Variants in CHST9 observed in about 807,000 individuals in gnomAD.
The protein encoded by CHST9 is carbohydrate sulfotransferase 9.
Under a neutral mutation model 44.4 loss-of-function variants are expected in CHST9, and 41 were observed. The ratio of observed to expected loss-of-function variants is 0.92; its 90% CI spans 0.72 to 1.20. CHST9 has a LOEUF of 1.20. CHST9 is among the 50% of genes most tolerant of loss of function. CHST9 has a pLI of 0.00. For missense variants in CHST9, 504 were observed against 516.5 expected (o/e 0.98, Z 0.23); for synonymous variants, 171 against 178.4 (o/e 0.96, Z 0.33).
At chr18:26,952,464 G>C (rs2056263154) in intron 4 of CHST9, 1 of 440,074 alleles carries the variant, frequency 2.3e-6, no homozygotes, top group Admixed American at 2.7e-5. Context: ...GCAATGAACA[G>C]TCATTTGGGG....
chr18:27,066,272 G>A (rs1391971930), intron 2 of CHST9, among the ~76,000 whole-genome samples: 1 of 152,162 alleles, frequency 6.6e-6, no homozygotes, highest in Non-Finnish European at 1.5e-5. Context: ...TCTCTTCCAG[G>A]TGTAGTAAAG....
intron 5 of CHST9, among the ~76,000 whole-genome samples, chr18:26,926,660 G>A (rs1192769045): frequency 2.6e-5 from 4 of 152,190 alleles, no homozygotes; most frequent in Non-Finnish European, 5.9e-5. Flanking sequence ...GGAGAAGTCA[G>A]GAATGTAGTC....
At chr18:27,088,689 G>C (rs909190790) in intron 2 of CHST9, among the ~76,000 whole-genome samples, 1 of 152,118 alleles carries the variant, frequency 6.6e-6, no homozygotes, top group South Asian at 2.1e-4. Context: ...ACTGAGCCTG[G>C]CCTATTATCA....
At chr18:26,944,068 G>A (rs562344492) in intron 5 of CHST9, among the ~76,000 whole-genome samples, 1 of 152,198 alleles carries the variant, frequency 6.6e-6, no homozygotes, top group South Asian at 2.1e-4. Flanking sequence ...ATACTTGCAA[G>A]TTAGAACTGG....
intron 2 of CHST9, among the ~76,000 whole-genome samples, chr18:27,088,790 G>A (rs1028430544): frequency 7.9e-5 from 12 of 152,196 alleles, no homozygotes; most frequent in Middle Eastern, 6.8e-3. Context: ...TGCCATCTTC[G>A]AGATAGATGC....
intron 5 of CHST9, chr18:26,930,947 G>C (rs2055867433): frequency 6.6e-6 from 1 of 150,406 alleles, no homozygotes; most frequent in African/African-American, 2.4e-5. Context: ...GGTGGGGTGG[G>C]GTGGGGGAGG....
chr18:27,178,223 G>T (rs926670237), intron 1 of CHST9, among the ~76,000 whole-genome samples: 1 of 151,904 alleles, frequency 6.6e-6, no homozygotes, highest in Non-Finnish European at 1.5e-5. Context: ...GGTAAAACAT[G>T]TCCTTCTATG....
intron 1 of CHST9, among the ~76,000 whole-genome samples, chr18:27,159,767 T>C (rs2058730689): frequency 6.6e-6 from 1 of 152,216 alleles, no homozygotes; most frequent in African/African-American, 2.4e-5. Context: ...CATTTGTTTG[T>C]ATCCTCTTTT....
chr18:27,055,531 C>T (rs2057644629), intron 2 of CHST9, among the ~76,000 whole-genome samples: 1 of 152,022 alleles, frequency 6.6e-6, no homozygotes, highest in Non-Finnish European at 1.5e-5. Flanking sequence ...CAGGGCCAGA[C>T]CTAAAACCCA....
intron 2 of CHST9, among the ~76,000 whole-genome samples, chr18:27,091,365 T>C (rs2058067062): frequency 6.6e-6 from 1 of 152,240 alleles, no homozygotes; most frequent in African/African-American, 2.4e-5. Flanking sequence ...TGGGGTTTTC[T>C]AAATATATAA....
chr18:27,063,707 T>C (rs1568157159), intron 2 of CHST9, among the ~76,000 whole-genome samples: 1 of 152,240 alleles, frequency 6.6e-6, no homozygotes, highest in Non-Finnish European at 1.5e-5. Flanking sequence ...GCTGCTTACA[T>C]AGCCCCAATC....
chr18:27,119,647 T>C (rs561165458), intron 2 of CHST9, among the ~76,000 whole-genome samples: 102 of 130,268 alleles, frequency 7.8e-4, no homozygotes, highest in Non-Finnish European at 1.3e-3. Flanking sequence ...AGTTTTTTTG[T>C]TTTGGGTTTT....
chr18:26,931,190 A>G (rs1241434467), intron 5 of CHST9, among the ~76,000 whole-genome samples: 1 of 152,188 alleles, frequency 6.6e-6, no homozygotes, highest in Non-Finnish European at 1.5e-5. Context: ...CATTCCTTAG[A>G]TGCTGTATCA....
In CHST9 at chr18:27,129,927, G is replaced by A. The variant is rs553839753; in HGVS notation, c.121+12762C>T. On this transcript the variant is annotated intron_variant, in intron 2 of 5. Transcript: ENST00000618847. ...TTTTGGAAAAGCTATGTTCAAACCAGTTTGGGAAATAAGCCAATAATTCCA... is the reference window on the plus strand; with the variant it reads ...TTTTGGAAAAGCTATGTTCAAACCAATTTGGGAAATAAGCCAATAATTCCA... Among the ~76,000 whole-genome samples, 7 of 152,100 alleles carry A rather than the reference G, an allele frequency of 4.6e-5. No individual in the cohort carries two copies. The Middle Eastern group carries it at 0.014, about 296-fold the overall frequency.
intron 4 of CHST9, among the ~76,000 whole-genome samples, chr18:26,944,663 C>T (rs1267581975): frequency 1.3e-5 from 2 of 151,942 alleles, no homozygotes; most frequent in Admixed American, 6.6e-5. Flanking sequence ...TGAAAAGGAC[C>T]GAAGAAAAAT....
chr18:26,967,448 G>A (rs186619551), intron 4 of CHST9, among the ~76,000 whole-genome samples: 141 of 152,120 alleles, frequency 9.3e-4, no homozygotes, highest in Non-Finnish European at 1.5e-3. Context: ...ACACCTTTTT[G>A]TTGGTCCCTA....
intron 1 of CHST9, among the ~76,000 whole-genome samples, chr18:27,160,158 T>C (rs1365152374): frequency 2.0e-5 from 3 of 151,990 alleles, no homozygotes; most frequent in Non-Finnish European, 4.4e-5. Flanking sequence ...TGAATAGGAG[T>C]GGTGAGAGAG....
chr18:27,123,776 G>T (rs1299279986), intron 2 of CHST9, among the ~76,000 whole-genome samples: 4 of 152,102 alleles, frequency 2.6e-5, no homozygotes, highest in African/African-American at 4.8e-5. Context: ...AGAGAGACTG[G>T]CAACAAGGCT....
intron 1 of CHST9, among the ~76,000 whole-genome samples, chr18:27,144,607 G>A (rs1016034960): frequency 7.4e-4 from 113 of 152,100 alleles, no homozygotes; most frequent in African/African-American, 2.6e-3. Context: ...AGGATCACTT[G>A]AGCCCAGAAT....
Sources: gnomAD v4.1 joint callset for allele counts (sites outside exome capture counted in the v4.1 genomes callset) on GRCh38, gnomAD v4.1.1 for gene constraint, MANE v1.5 for transcripts, NCBI Gene and HGNC (gene_info 2026-07-23, HGNC 2026-07-21) for gene names.